The following AP1G1 variants were observed in gnomAD, a reference collection of about 807,000 sequenced individuals.
AP1G1 encodes the protein AP-1 complex subunit gamma-1.
AP1G1 carries 7 observed loss-of-function variants against 108.3 expected under a neutral mutation model. That is an observed-to-expected ratio of 0.06 (90% CI 0.04 to 0.12). The LOEUF (loss-of-function observed/expected upper bound fraction) is 0.12. Ranked by LOEUF, AP1G1 falls within the 10% of genes least tolerant of loss-of-function variation. AP1G1 has a pLI of 1.00. For missense variants in AP1G1, 756 were observed against 1,010.7 expected, an observed-to-expected ratio of 0.75 and a Z score of 3.42; for synonymous variants, 379 against 353.5, an observed-to-expected ratio of 1.07 and a Z score of -0.81.
At chr16:71,767,096 T>A (rs1435044376) in intron 6 of AP1G1, among the ~76,000 whole-genome samples, 1 of 152,234 alleles carries the variant, frequency 6.6e-6, no homozygotes, top group Non-Finnish European at 1.5e-5. Flanking sequence ...TTATTTTTTA[T>A]CTGGTTTATT....
chr16:71,801,365 A>G (rs905898656), intron 1 of AP1G1, among the ~76,000 whole-genome samples: 4 of 151,730 alleles, frequency 2.6e-5, no homozygotes, highest in Middle Eastern at 3.2e-3. Flanking sequence ...ATAGAGTAAT[A>G]TAAATAATAT....
At chr16:71,745,927 A>G (rs1214565047) in intron 17 of AP1G1, among the ~76,000 whole-genome samples, 1 of 152,236 alleles carries the variant, frequency 6.6e-6, no homozygotes, top group African/African-American at 2.4e-5. Context: ...ACTGTATAAT[A>G]GAAGAATAAA....
rs200032546 is a variant in AP1G1 at position 71,773,272 on chromosome 16, T to C, written c.417A>G (p.Ala139=). ...MGSSEMCRDL[A]GEVEKLLKTS... ...TTTTCAGGAGCTTCTCTACCTCTCC[T>C]GCAAGATCTCTGCACATCTCTGAGG... The change falls in exon 4 of 23, where the codon GCA becomes GCG. Residue 139 remains alanine, a synonymous_variant. Transcript: ENST00000299980. 1.2e-6 allele frequency: 2 copies of C among 1,613,318 alleles called. No homozygotes were observed. The highest frequency in any genetic ancestry group is 2.2e-5 in the South Asian group (2 of 90,922).
chr16:71,791,752 C>G (rs2032408333), intron 1 of AP1G1, among the ~76,000 whole-genome samples: 1 of 142,094 alleles, frequency 7.0e-6, no homozygotes, highest in South Asian at 2.2e-4. Flanking sequence ...AAAGCTAACA[C>G]TAAACTCTGA....
intron 21 of AP1G1, among the ~76,000 whole-genome samples, chr16:71,737,362 C>T (rs893939630): frequency 6.6e-6 from 1 of 152,172 alleles, no homozygotes; most frequent in Non-Finnish European, 1.5e-5. Context: ...TGGCTAACTG[C>T]AACTTCCACC....
chr16:71,777,833 A>G (rs769424307), intron 2 of AP1G1: 1 of 380,550 alleles, frequency 2.6e-6, no homozygotes, highest in African/African-American at 2.1e-5. Context: ...TTTCTCCAAC[A>G]TGGTGCTAGG....
chr16:71,735,260 A>C (rs541059946), intron 21 of AP1G1, among the ~76,000 whole-genome samples: 23 of 152,342 alleles, frequency 1.5e-4, no homozygotes, highest in African/African-American at 5.5e-4. Context: ...TGACAGAAGG[A>C]ACGGAAAGAC....
intron 6 of AP1G1, 100 bp downstream of exon 6, chr16:71,769,523 C>T (rs775046848): frequency 8.7e-7 from 1 of 1,153,094 alleles, no homozygotes; most frequent in Non-Finnish European, 1.3e-6. Flanking sequence ...TATTCAGATC[C>T]ATAGCTTGCT....
chr16:71,772,242 T>C (rs2031604644), intron 4 of AP1G1, among the ~76,000 whole-genome samples: 1 of 152,058 alleles, frequency 6.6e-6, no homozygotes, highest in Non-Finnish European at 1.5e-5. Context: ...ATCATTCTCC[T>C]GCCTCAGCCT....
chr16:71,750,414 T>G lies in AP1G1; in HGVS notation c.1285-82A>C, dbSNP rs536077049. On this transcript the variant is annotated intron_variant, in intron 13 of 22. Transcript: ENST00000299980. Reference sequence around the variant, plus strand: ...TGTTAGCTATTATTATTACTGTGTGTTTTTTCCTTTCTTTTTTTGAGACAG... The same window carrying G: ...TGTTAGCTATTATTATTACTGTGTGGTTTTTCCTTTCTTTTTTTGAGACAG... 17 of 1,536,472 alleles carry G rather than the reference T, an allele frequency of 1.1e-5. No individual in the cohort carries two copies. The East Asian group carries it at 3.8e-4, about 35-fold the overall frequency.
chr16:71,800,772 G>A (rs1300488597), intron 1 of AP1G1, among the ~76,000 whole-genome samples: 1 of 151,884 alleles, frequency 6.6e-6, no homozygotes, highest in Non-Finnish European at 1.5e-5. Flanking sequence ...CTGCACTCCA[G>A]CCTGGGCAAC....
At chr16:71,770,272 G>A (rs1025667124) in intron 5 of AP1G1, among the ~76,000 whole-genome samples, 2 of 152,178 alleles carry the variant, frequency 1.3e-5, no homozygotes, top group Non-Finnish European at 2.9e-5. Context: ...GCACAGCACT[G>A]AATTTGTCAA....
chr16:71,801,427 G>A (rs2032797565), intron 1 of AP1G1, among the ~76,000 whole-genome samples: 1 of 151,676 alleles, frequency 6.6e-6, no homozygotes, highest in South Asian at 2.1e-4. Context: ...ACGTGAGTAT[G>A]TACAGTACTT....
Position 71,733,074 on chromosome 16 carries a change from G to A in AP1G1, c.2453C>T (p.Pro818Leu). The change falls in exon 23 of 23, where the codon CCT (proline) becomes CTT (leucine). Residue 818 changes from proline to leucine, a missense_variant. Transcript: ENST00000299980. ...QDLAEVNNFP[P>L]QSWQ Reference sequence around the variant, plus strand: ...GCCAAACCCTCATTGCCAGGACTGAGGGGGAAAGTTGTTCACCTCTGCTAG... The same window carrying A: ...GCCAAACCCTCATTGCCAGGACTGAAGGGGAAAGTTGTTCACCTCTGCTAG... The A allele has an allele frequency of 1.9e-6, 3 of 1,613,506 alleles. No homozygotes were observed. Among genetic ancestry groups the A allele is most frequent in the Non-Finnish European group, 2.5e-6 (3 of 1,179,460 alleles).
At chr16:71,757,499 G>A (rs1485425299) in intron 11 of AP1G1, among the ~76,000 whole-genome samples, 1 of 151,804 alleles carries the variant, frequency 6.6e-6, no homozygotes, top group African/African-American at 2.4e-5. Context: ...TAGCTAACAT[G>A]TAAGTAGCAA....
intron 1 of AP1G1, among the ~76,000 whole-genome samples, chr16:71,799,499 G>C (rs1205047563): frequency 1.3e-5 from 2 of 152,184 alleles, no homozygotes; most frequent in Admixed American, 1.3e-4. Context: ...TGAGTGCAGT[G>C]GCTCACACCT....
Position 71,764,378 on chromosome 16 carries a change from A to G in AP1G1, c.890T>C (p.Met297Thr). The change falls in exon 9 of 23, where the codon ATG becomes ACG. Residue 297 changes from methionine (M) to threonine (T), a missense_variant. Physicochemically the swap from Met to Thr is moderately conservative, Grantham distance 81. Around this residue, in one of 3 missense-constraint regions of AP1G1, gnomAD observed 304 missense variants for 483.6 expected, o/e 0.63. Transcript: ENST00000299980. ...CAATCCACTCTCTGACTTAATATCC[A>G]TGATAGTCAAAACCGTTTCATAAAG... The part of the protein sequence containing the change: ...AILYETVLTI[M>T]DIKSESGLRV... The G allele has an allele frequency of 6.2e-7, 1 of 1,607,676 alleles. No homozygotes were observed. Among genetic ancestry groups the G allele is most frequent in the Non-Finnish European group, 8.5e-7 (1 of 1,176,400 alleles).
rs536808132 is a variant in AP1G1 at position 71,765,404 on chromosome 16, A to G, written c.738+85T>C. The G allele has an allele frequency of 2.5e-5, 23 of 927,864 alleles. No homozygotes were observed. In the African/African-American group the frequency reaches 3.0e-4, roughly 12 times the overall value. 57.5% of individuals were successfully genotyped at this position (927,864 alleles called of 1,614,324 possible). On this transcript the variant is annotated intron_variant, in intron 7 of 22. Transcript: ENST00000299980. Reference sequence around the variant, plus strand: ...TCAATTAACTACCAAATTTCTACTCAACACAAACTTAAGAGGAAGGAAATT... The same window carrying G: ...TCAATTAACTACCAAATTTCTACTCGACACAAACTTAAGAGGAAGGAAATT...
At chr16:71,738,862 T>C (rs1406362044) in intron 21 of AP1G1, 80 bp downstream of exon 21, 5 of 1,289,336 alleles carry the variant, frequency 3.9e-6, no homozygotes, top group Non-Finnish European at 5.4e-6. Context: ...CATTAAAACA[T>C]ATCCTTTACC....
Sources: gnomAD v4.1 joint callset for allele counts (sites outside exome capture counted in the v4.1 genomes callset) on GRCh38, gnomAD v4.1.1 for gene constraint, gnomAD v4.1.1 regional missense constraint, MANE v1.5 for transcripts, NCBI Gene and HGNC (gene_info 2026-07-23, HGNC 2026-07-21) for gene names.